NFATC1: variants seen among roughly 807,000 people sequenced by gnomAD.
The protein encoded by NFATC1 is nuclear factor of activated T-cells, cytoplasmic 1.
NFATC1 carries 22 observed loss-of-function variants against 76.0 expected under a neutral mutation model. The observed-to-expected ratio is 0.29, with a 90% confidence interval of 0.21 to 0.41. The LOEUF (loss-of-function observed/expected upper bound fraction) is 0.41, where lower values mean the gene tolerates loss of function less well. NFATC1 is among the 10% of genes least tolerant of loss of function. NFATC1 has a pLI of 1.00. For synonymous variants in NFATC1, 704 were observed against 613.1 expected (o/e 1.15, Z -2.19); for missense variants, 1,357 against 1,337.7 (o/e 1.01, Z -0.23).
At chr18:79,482,041 C>T (rs1248993533) in intron 8 of NFATC1, among the ~76,000 whole-genome samples, 1 of 135,712 alleles carries the variant, frequency 7.4e-6, no homozygotes, top group Non-Finnish European at 1.5e-5. Flanking sequence ...GTCATTCCAG[C>T]GTGAGCTGTT....
intron 2 of NFATC1, among the ~76,000 whole-genome samples, chr18:79,412,162 C>T (rs932075181): frequency 1.3e-5 from 2 of 152,206 alleles, no homozygotes; most frequent in African/African-American, 2.4e-5. Flanking sequence ...TCTTTTTAAC[C>T]GTGTGAGGGG....
chr18:79,433,575 C>T lies in NFATC1; in HGVS notation c.1227-4C>T. On this transcript the variant is annotated splice_region_variant and splice_polypyrimidine_tract_variant and intron_variant, in intron 2 of 9. Transcript: ENST00000427363. The stretch of plus-strand genomic sequence containing the variant: ...AACGCCTCCTCTGCTCTGTTCCCTT[C>T]CAGCCCGACCCTGCCCGCCCTGGAC... 1 of 1,613,016 alleles carries T rather than the reference C, an allele frequency of 6.2e-7. No individual in the cohort carries two copies. The highest frequency in any genetic ancestry group is 8.5e-7 in the Non-Finnish European group (1 of 1,179,932).
chr18:79,436,560 C>G (rs1411872913), intron 3 of NFATC1, among the ~76,000 whole-genome samples: 9 of 152,216 alleles, frequency 5.9e-5, no homozygotes, highest in African/African-American at 2.2e-4. Flanking sequence ...CCCACGCCCG[C>G]TGTCTCCGTC....
chr18:79,396,796 C>A (rs1052521814), intron 1 of NFATC1, among the ~76,000 whole-genome samples: 6 of 152,048 alleles, frequency 3.9e-5, no homozygotes, highest in African/African-American at 1.2e-4. Context: ...GGGGGTTCTG[C>A]GCCCCCCACC....
intron 9 of NFATC1, among the ~76,000 whole-genome samples, chr18:79,508,414 G>C (rs2090168149): frequency 6.6e-6 from 1 of 152,186 alleles, no homozygotes; most frequent in Non-Finnish European, 1.5e-5. Flanking sequence ...GCATGGGCAG[G>C]TGTTTTTTAT....
intron 8 of NFATC1, among the ~76,000 whole-genome samples, chr18:79,482,304 C>T (rs570924278): frequency 6.9e-5 from 10 of 145,226 alleles, no homozygotes; most frequent in South Asian, 4.6e-4. Context: ...GGGTGTAATT[C>T]CAGCGTGACC....
chr18:79,433,862 A>G (rs1184230003), intron 3 of NFATC1, 124 bp downstream of exon 3: 10 of 1,247,794 alleles, frequency 8.0e-6, no homozygotes, highest in Non-Finnish European at 1.1e-5. Flanking sequence ...TGTCGTGGTT[A>G]GTCCCGGGCG....
rs769591138 is a variant in NFATC1, at chr18:79,467,558, C to T, written c.2068C>T (p.Arg690Cys). Residue 690 changes from arginine to cysteine, a missense_variant, in exon 8 of 10, where the codon CGT (arginine) becomes TGT (cysteine). By Grantham distance (180) the Arg-to-Cys change is radical. Coordinates refer to ENST00000427363, the MANE Select transcript of NFATC1 (RefSeq NM_001278669.2). Reference sequence around the variant, plus strand: ...GAAGAGAAAGCGAAGCCAGTACCAGCGTTTCACCTACCTTCCCGCCAACGG... The same window carrying T: ...GAAGAGAAAGCGAAGCCAGTACCAGTGTTTCACCTACCTTCCCGCCAACGG... ...NGKRKRSQYQ[R>C]FTYLPANVPI... is the part of the protein sequence containing the mutation. 26 of 1,613,864 alleles carry T rather than the reference C, an allele frequency of 1.6e-5. No homozygotes were observed. The highest frequency in any genetic ancestry group is 9.3e-5 in the African/African-American group (7 of 74,918).
At chr18:79,434,761 C>T (rs1002887013) in intron 3 of NFATC1, among the ~76,000 whole-genome samples, 2 of 152,192 alleles carry the variant, frequency 1.3e-5, no homozygotes, top group African/African-American at 2.4e-5. Flanking sequence ...AGAAGGTGGC[C>T]GCAGGGACAA....
intron 1 of NFATC1, among the ~76,000 whole-genome samples, chr18:79,403,293 A>T (rs2085328323): frequency 6.6e-6 from 1 of 152,270 alleles, no homozygotes; most frequent in Non-Finnish European, 1.5e-5. Flanking sequence ...CAGCAGGTGC[A>T]AAGAATAGAT....
intron 9 of NFATC1, among the ~76,000 whole-genome samples, chr18:79,512,520 G>A (rs971924960): frequency 6.6e-5 from 10 of 152,238 alleles, no homozygotes; most frequent in African/African-American, 2.4e-4. Flanking sequence ...GGCTCCACGA[G>A]GTCAGAGCCT....
chr18:79,423,077 G>A (rs2086156055), intron 2 of NFATC1, among the ~76,000 whole-genome samples: 1 of 151,698 alleles, frequency 6.6e-6, no homozygotes, highest in Non-Finnish European at 1.5e-5. Context: ...AGGCTCACGA[G>A]ATACAGGGGT....
At chr18:79,469,776 G>A (rs1477706880) in intron 8 of NFATC1, 6 of 985,210 alleles carry the variant, frequency 6.1e-6, no homozygotes, top group Non-Finnish European at 7.2e-6. Context: ...CATAGTCCCT[G>A]GGTGACCATC....
rs565154496 is a variant in NFATC1, at chr18:79,515,530, C to T, written c.2783-11998C>T. On this transcript the variant is annotated intron_variant, in intron 9 of 9. Transcript: ENST00000427363. ...CTGCAGCCTGGCCGGGGACCAGGGG[C>T]GTATTGGCTTCTGAGTTGCCAATGG... is the stretch of plus-strand genomic sequence containing the variant. Among the ~76,000 whole-genome samples, 56 of 151,988 alleles carry T rather than the reference C, an allele frequency of 3.7e-4. 1 individual carries two copies. In the South Asian group the frequency reaches 0.011, roughly 29 times the overall value.
chr18:79,399,469 C>T (rs1600568963), intron 1 of NFATC1, among the ~76,000 whole-genome samples: 1 of 152,338 alleles, frequency 6.6e-6, no homozygotes, highest in South Asian at 2.1e-4. Context: ...CCTACTATTC[C>T]ACATGTCGGG....
chr18:79,436,291 C>A (rs1423357533), intron 3 of NFATC1, among the ~76,000 whole-genome samples: 3 of 152,244 alleles, frequency 2.0e-5, no homozygotes, highest in Non-Finnish European at 4.4e-5. Flanking sequence ...CTGGTCAGAG[C>A]CACTGGGAGC....
intron 8 of NFATC1, chr18:79,470,646 A>G (rs1342355805): frequency 6.6e-6 from 1 of 152,114 alleles, no homozygotes; most frequent in African/African-American, 2.4e-5. Flanking sequence ...CGCCTTGGCC[A>G]CCAGCCGCCC....
Position 79,467,536 on chromosome 18 carries a change from G to A in NFATC1, c.2046G>A (p.Lys682=). The A allele has an allele frequency of 1.9e-6, 3 of 1,614,058 alleles. No homozygotes were observed. Among genetic ancestry groups the A allele is most frequent in the African/African-American group, 1.3e-5 (1 of 75,056 alleles). The change falls in exon 8 of 10, where the codon AAG becomes AAA. Residue 682 remains lysine, a synonymous_variant. Coordinates refer to ENST00000427363, the MANE Select transcript of NFATC1 (RefSeq NM_001278669.2). The part of the protein sequence containing the change: ...VHVSFYVCNG[K]RKRSQYQRFT... ...TCAGTTTCTACGTCTGCAACGGGAA[G>A]AGAAAGCGAAGCCAGTACCAGCGTT...
At chr18:79,490,730 T>C (rs535411450) in intron 9 of NFATC1, among the ~76,000 whole-genome samples, 52 of 152,230 alleles carry the variant, frequency 3.4e-4, no homozygotes, top group African/African-American at 1.3e-3. Context: ...TGCCTGTCCT[T>C]GTGAGAAGAT....
Sources: allele counts gnomAD v4.1 joint callset (sites outside exome capture counted in the v4.1 genomes callset), GRCh38; gene constraint gnomAD v4.1.1; transcripts MANE v1.5; gene names NCBI Gene and HGNC (gene_info 2026-07-23, HGNC 2026-07-21).